Variants in DLG2 observed in about 807,000 individuals in gnomAD.
DLG2 encodes discs large MAGUK scaffold protein 2, also known as disks large homolog 2.
A neutral mutation model predicts 132.5 loss-of-function variants in DLG2; 45 were observed. That is an observed-to-expected ratio of 0.34 (90% CI 0.27 to 0.44). The LOEUF (loss-of-function observed/expected upper bound fraction) is 0.44. Ranked by LOEUF, DLG2 falls within the 20% of genes least tolerant of loss-of-function variation. DLG2 has a pLI of 1.00. For synonymous variants in DLG2, 424 were observed against 419.6 expected, an observed-to-expected ratio of 1.01 and a Z score of -0.13; for missense variants, 1,045 against 1,196.9, an observed-to-expected ratio of 0.87 and a Z score of 1.87.
chr11:85,210,397 G>T (rs766403689), intron 4 of DLG2, among the ~76,000 whole-genome samples: 12 of 151,878 alleles, frequency 7.9e-5, no homozygotes, highest in Non-Finnish European at 8.8e-5. Context: ...CTTCTGCCTC[G>T]GATCTCCTTT....
At chr11:85,507,197 T>G (rs1006809182) in intron 3 of DLG2, among the ~76,000 whole-genome samples, 2 of 152,206 alleles carry the variant, frequency 1.3e-5, no homozygotes, top group Non-Finnish European at 2.9e-5. Flanking sequence ...ATTGGGGCAT[T>G]TAGCCCACTT....
At chr11:84,002,301 G>A (rs1045708451) in intron 11 of DLG2, among the ~76,000 whole-genome samples, 2 of 152,126 alleles carry the variant, frequency 1.3e-5, no homozygotes, top group Non-Finnish European at 2.9e-5. Flanking sequence ...ACCATCCTAG[G>A]GTCTGGAGGA....
intron 6 of DLG2, among the ~76,000 whole-genome samples, chr11:84,735,650 G>C (rs1028106537): frequency 1.3e-5 from 2 of 151,934 alleles, no homozygotes; most frequent in African/African-American, 4.8e-5. Context: ...GTTCTGCTCT[G>C]ATCTTAGTTA....
At chr11:84,795,892 A>T (rs975309444) in intron 6 of DLG2, among the ~76,000 whole-genome samples, 11 of 151,964 alleles carry the variant, frequency 7.2e-5, no homozygotes, top group Non-Finnish European at 1.6e-4. Context: ...GGAAGCCAGC[A>T]CGCACGCTGA....
intron 12 of DLG2, among the ~76,000 whole-genome samples, chr11:83,977,097 TATTA>T (rs2092329068): frequency 6.6e-6 from 1 of 151,998 alleles, no homozygotes; most frequent in Admixed American, 6.6e-5. Context: ...ACAATGCTAG[TATTA>T]ATTAGCTACA....
At chr11:84,416,925 T>C (rs528444460) in intron 7 of DLG2, among the ~76,000 whole-genome samples, 14 of 152,306 alleles carry the variant, frequency 9.2e-5, no homozygotes, top group Admixed American at 5.2e-4. Context: ...TCTTGGGGAA[T>C]TGAAAAGAAT....
Position 84,641,637 on chromosome 11 carries a change from A to T in DLG2, c.358-106906T>A, listed in dbSNP as rs542660722. On this transcript the variant is annotated intron_variant, in intron 6 of 27. Transcript: ENST00000376104. ...CGCTTCAGTGAGGCAGCGTAGTTTA[A>T]GTGGCTCCAAGGCCAGACTACCCAG... is the stretch of plus-strand genomic sequence containing the variant. Among the ~76,000 whole-genome samples the T allele has an allele frequency of 2.6e-3, 390 of 152,258 alleles. 1 individual carries two copies. Among genetic ancestry groups the T allele is most frequent in the Non-Finnish European group, 4.0e-3 (271 of 68,012 alleles).
At chr11:83,819,481 A>AT in intron 17 of DLG2, among the ~76,000 whole-genome samples, 1 of 142,492 alleles carries the variant, frequency 7.0e-6, no homozygotes, top group African/African-American at 2.7e-5. Context: ...AAAAAAAAAA[A>AT]AAAAAAAAAA....
chr11:84,384,783 G>A (rs1446431924), intron 7 of DLG2, among the ~76,000 whole-genome samples: 4 of 151,988 alleles, frequency 2.6e-5, no homozygotes, highest in Admixed American at 2.0e-4. Flanking sequence ...ACTGGAACTG[G>A]GTGCTGATTT....
intron 6 of DLG2, among the ~76,000 whole-genome samples, chr11:85,007,537 G>T (rs1022332092): frequency 2.6e-5 from 4 of 151,352 alleles, no homozygotes; most frequent in African/African-American, 9.7e-5. Context: ...ATGGTGGCAG[G>T]TGCCTGTAGT....
At chr11:85,069,329 G>C (rs2065426831) in intron 6 of DLG2, among the ~76,000 whole-genome samples, 1 of 152,074 alleles carries the variant, frequency 6.6e-6, no homozygotes, top group Non-Finnish European at 1.5e-5. Context: ...AAGAGCTTCT[G>C]CACAGCAAAA....
intron 11 of DLG2, among the ~76,000 whole-genome samples, chr11:84,043,301 G>C (rs1009439310): frequency 2.0e-5 from 3 of 151,410 alleles, no homozygotes; most frequent in African/African-American, 7.3e-5. Context: ...TTCATCATCA[G>C]ATTTACATCT....
intron 3 of DLG2, among the ~76,000 whole-genome samples, chr11:85,427,427 C>G (rs1292672166): frequency 6.6e-6 from 1 of 152,220 alleles, no homozygotes; most frequent in Admixed American, 6.5e-5. Context: ...CAGCTGATCT[C>G]TTGGCAGAAA....
chr11:84,862,720 C>T (rs2083909668), intron 6 of DLG2, among the ~76,000 whole-genome samples: 1 of 147,090 alleles, frequency 6.8e-6, no homozygotes, highest in Non-Finnish European at 1.5e-5. Context: ...AACACAGGAA[C>T]AGAAAACCAA....
chr11:83,576,280 C>A (rs899936038), intron 19 of DLG2, among the ~76,000 whole-genome samples: 4 of 152,072 alleles, frequency 2.6e-5, no homozygotes, highest in African/African-American at 9.7e-5. Context: ...AACTGTGAGA[C>A]ACCCTCAAGT....
intron 6 of DLG2, among the ~76,000 whole-genome samples, chr11:84,932,680 A>G (rs2048240961): frequency 6.6e-6 from 1 of 151,976 alleles, no homozygotes; most frequent in Non-Finnish European, 1.5e-5. Context: ...TCCCTGTGAA[A>G]CACATGATCT....
chr11:85,081,261 T>C (rs1322472479), intron 6 of DLG2, among the ~76,000 whole-genome samples: 2 of 152,176 alleles, frequency 1.3e-5, no homozygotes, highest in Non-Finnish European at 2.9e-5. Flanking sequence ...TCCGGCATCA[T>C]GAGTAAACTC....
intron 3 of DLG2, among the ~76,000 whole-genome samples, chr11:85,540,213 CTT>C (rs1429857525): frequency 1.3e-5 from 2 of 152,192 alleles, no homozygotes; most frequent in African/African-American, 4.8e-5. Context: ...GACAGCCACT[CTT>C]GTTTCCGTAC....
chr11:83,941,758 T>C (rs984397709), intron 14 of DLG2, among the ~76,000 whole-genome samples: 8 of 152,204 alleles, frequency 5.3e-5, no homozygotes, highest in African/African-American at 1.9e-4. Flanking sequence ...TTAAGATGTC[T>C]CTATTTATAT....
Sources: gnomAD v4.1 joint callset for allele counts (sites outside exome capture counted in the v4.1 genomes callset) on GRCh38, gnomAD v4.1.1 for gene constraint, MANE v1.5 for transcripts, NCBI Gene and HGNC (gene_info 2026-07-23, HGNC 2026-07-21) for gene names.